The following EHMT1 variants were observed in gnomAD, a reference collection of about 807,000 sequenced individuals.
EHMT1 encodes the protein euchromatic histone lysine methyltransferase 1.
EHMT1 carries 15 observed loss-of-function variants against 147.2 expected under a neutral mutation model. The observed-to-expected ratio is 0.10, with a 90% confidence interval of 0.07 to 0.16. The LOEUF is 0.16. Ranked by LOEUF, EHMT1 falls within the 10% of genes least tolerant of loss-of-function variation. The probability of loss-of-function intolerance (pLI) is 1.00; values close to 1 mark genes in which losing one functional copy is unlikely to be tolerated. For missense variants in EHMT1, 1,587 were observed against 1,772.4 expected, an observed-to-expected ratio of 0.90 and a Z score of 1.88; for synonymous variants, 795 against 709.6, an observed-to-expected ratio of 1.12 and a Z score of -1.91.
At chr9:137,822,148 A>G (rs953380856) in intron 25 of EHMT1, among the ~76,000 whole-genome samples, 1 of 152,086 alleles carries the variant, frequency 6.6e-6, no homozygotes, top group Non-Finnish European at 1.5e-5. Context: ...CACATTTTCT[A>G]TAAACGGAAT....
intron 4 of EHMT1, among the ~76,000 whole-genome samples, chr9:137,735,935 A>C (rs527322554): frequency 6.6e-6 from 1 of 152,320 alleles, no homozygotes; most frequent in South Asian, 2.1e-4. Context: ...GCTCAATATT[A>C]AACTTTCCAG....
At chr9:137,680,630 G>C (rs751570839) in intron 1 of EHMT1, among the ~76,000 whole-genome samples, 1 of 152,204 alleles carries the variant, frequency 6.6e-6, no homozygotes, top group Non-Finnish European at 1.5e-5. Context: ...ATTGTGAGAT[G>C]GTCCTGCACC....
chr9:137,721,660 G>A (rs118140625), intron 3 of EHMT1, among the ~76,000 whole-genome samples: 3 of 150,024 alleles, frequency 2.0e-5, no homozygotes, highest in East Asian at 2.0e-4. Flanking sequence ...TTCCCTCCAC[G>A]CCTCTCACGC....
chr9:137,742,039 G>A (rs1476119083), intron 4 of EHMT1, among the ~76,000 whole-genome samples: 2 of 152,208 alleles, frequency 1.3e-5, no homozygotes, highest in African/African-American at 4.8e-5. Context: ...CTGTTATAGT[G>A]TGGACAGACA....
At chr9:137,770,128 T>G (rs531481609) in intron 10 of EHMT1, among the ~76,000 whole-genome samples, 41 of 152,338 alleles carry the variant, frequency 2.7e-4, no homozygotes, top group Admixed American at 9.1e-4. Context: ...TGAGTCACTG[T>G]GCCCGGCCCA....
At chr9:137,648,215 C>T (rs913391924) in intron 1 of EHMT1, among the ~76,000 whole-genome samples, 4 of 152,042 alleles carry the variant, frequency 2.6e-5, no homozygotes, top group Admixed American at 1.3e-4. Context: ...ACAGCAAAAT[C>T]GTAAGAGACC....
At chr9:137,679,564 C>T (rs1941738622) in intron 1 of EHMT1, among the ~76,000 whole-genome samples, 1 of 152,158 alleles carries the variant, frequency 6.6e-6, no homozygotes, top group Admixed American at 6.5e-5. Context: ...TTCCTGAGCA[C>T]TGATGGGGTT....
chr9:137,716,904 A>C lies in EHMT1; in HGVS notation c.364A>C (p.Ser122Arg). ...CTTTGTGCAGACTTCTGTCATCGGC[A>C]GCAACGGATACATCTTAAATAAGCC... Reference protein sequence around the residue: ...DDFVQTSVIGSNGYILNKPAL... With the variant: ...DDFVQTSVIGRNGYILNKPAL... Residue 122 changes from serine (S) to arginine (R), a missense_variant, in exon 3 of 27, where the codon AGC becomes CGC. Physicochemically the swap from Ser to Arg is moderately radical, Grantham distance 110. This residue lies in a region of EHMT1 where 810 missense variants were observed against 673.0 expected (regional missense o/e 1.20). Transcript: ENST00000460843. 6.2e-7 allele frequency: 1 copy of C among 1,613,132 alleles called. No homozygotes were observed. Among genetic ancestry groups the C allele is most frequent in the South Asian group, 1.1e-5 (1 of 91,084 alleles).
At chr9:137,758,085 G>A in intron 9 of EHMT1, 74 bp downstream of exon 9, 1 of 1,597,356 alleles carries the variant, frequency 6.3e-7, no homozygotes, top group Non-Finnish European at 8.6e-7. Flanking sequence ...CTCTGTATTA[G>A]CATGATGCCC....
At position 137,654,286 on chromosome 9, in the gene EHMT1, C is replaced by T. The variant is rs972653623; in HGVS notation, c.21+35237C>T. On this transcript the variant is annotated intron_variant, in intron 1 of 26. Coordinates refer to ENST00000460843, the MANE Select transcript of EHMT1 (RefSeq NM_024757.5). ...GGCTGAGGCAGAAGTATCGCTTGGA[C>T]GTGGGAGATGGAGGTTGCCGTGAGC... 4.6e-5 allele frequency among the ~76,000 whole-genome samples: 7 copies of T among 152,022 alleles called. No homozygotes were observed. In the East Asian group the frequency reaches 1.2e-3, roughly 25 times the overall value.
chr9:137,768,131 T>C (rs748658700), intron 10 of EHMT1, among the ~76,000 whole-genome samples: 4 of 152,144 alleles, frequency 2.6e-5, no homozygotes, highest in Non-Finnish European at 5.9e-5. Flanking sequence ...GTACAGCCTG[T>C]GATGTTCAGA....
At chr9:137,807,181 T>C (rs1474876272) in intron 18 of EHMT1, among the ~76,000 whole-genome samples, 1 of 152,226 alleles carries the variant, frequency 6.6e-6, no homozygotes, top group Non-Finnish European at 1.5e-5. Context: ...ATTCCAGCTG[T>C]GTATGTAGGA....
chr9:137,682,686 G>T lies in EHMT1; in HGVS notation c.22-28281G>T, dbSNP rs148758113. Among the ~76,000 whole-genome samples the T allele has an allele frequency of 4.9e-4, 75 of 152,346 alleles. 1 individual carries two copies. The highest frequency in any genetic ancestry group is 4.6e-3 in the South Asian group (22 of 4,832). ...GAGCTTGGAGAGGCTTTACTTCTGT[G>T]TGCCGCCTTCCCCGTGGGCGGTGAG... On this transcript the variant is annotated intron_variant, in intron 1 of 26. Coordinates refer to ENST00000460843, the MANE Select transcript of EHMT1 (RefSeq NM_024757.5).
At chr9:137,759,808 G>T (rs574013373) in intron 9 of EHMT1, among the ~76,000 whole-genome samples, 18 of 152,322 alleles carry the variant, frequency 1.2e-4, no homozygotes, top group African/African-American at 4.3e-4. Flanking sequence ...GTCAAGTGGC[G>T]CTGGATGGCG....
intron 6 of EHMT1, among the ~76,000 whole-genome samples, chr9:137,745,275 G>A (rs1323201972): frequency 1.2e-4 from 19 of 152,008 alleles, no homozygotes; most frequent in Admixed American, 1.2e-3. Context: ...TTGGGGATGT[G>A]TTTTCTTCCT....
chr9:137,834,758 C>T lies in EHMT1; in HGVS notation c.3717-15C>T. The T allele has an allele frequency of 1.2e-6, 2 of 1,613,508 alleles. No homozygotes were observed. The highest frequency in any genetic ancestry group is 2.2e-5 in the East Asian group (1 of 44,874). On this transcript the variant is annotated splice_polypyrimidine_tract_variant and intron_variant, in intron 26 of 26. Transcript: ENST00000460843. The stretch of plus-strand genomic sequence containing the variant: ...TGGGATTCGACTTGGAGCCTTGGTT[C>T]TGTTCCCTCCCCAGGTTTGACTATG...
At chr9:137,770,077 TC>T (rs1235723303) in intron 10 of EHMT1, among the ~76,000 whole-genome samples, 1 of 152,174 alleles carries the variant, frequency 6.6e-6, no homozygotes, top group African/African-American at 2.4e-5. Flanking sequence ...GCTCAGGTGA[TC>T]CGCCCGCCTC....
At position 137,757,750 on chromosome 9, in the gene EHMT1, A is replaced by G. The variant is rs904849100; in HGVS notation, c.1370-130A>G. 3.7e-6 allele frequency: 5 copies of G among 1,369,364 alleles called. No homozygotes were observed. In the East Asian group the frequency reaches 6.9e-5, roughly 19 times the overall value. The allele number at this position is 1,369,364 out of a possible 1,614,324, so 84.8% of individuals were successfully genotyped here. ...ATGGTCTAAACCATAGTGGGTTTCAACTTGTGGTTTTGAATGGATTAATTA... is the reference window on the plus strand; with the variant it reads ...ATGGTCTAAACCATAGTGGGTTTCAGCTTGTGGTTTTGAATGGATTAATTA... On this transcript the variant is annotated intron_variant, in intron 8 of 26. Coordinates refer to ENST00000460843, the MANE Select transcript of EHMT1 (RefSeq NM_024757.5).
chr9:137,770,772 C>T (rs549566401), intron 10 of EHMT1, among the ~76,000 whole-genome samples: 11 of 152,308 alleles, frequency 7.2e-5, no homozygotes, highest in South Asian at 2.1e-4. Context: ...CACCCAGGAG[C>T]GAACCAAAGA....
Sources: gnomAD v4.1 joint callset for allele counts (sites outside exome capture counted in the v4.1 genomes callset) on GRCh38, gnomAD v4.1.1 for gene constraint, gnomAD v4.1.1 regional missense constraint, MANE v1.5 for transcripts, NCBI Gene and HGNC (gene_info 2026-07-23, HGNC 2026-07-21) for gene names.